Variants in ZNF700 observed in about 807,000 individuals in gnomAD.
ZNF700 encodes the protein zinc finger protein 700.
A neutral mutation model predicts 65.3 loss-of-function variants in ZNF700; 38 were observed. That is an observed-to-expected ratio of 0.58 (90% CI 0.45 to 0.76). The LOEUF (loss-of-function observed/expected upper bound fraction) is 0.76, where lower values mean the gene tolerates loss of function less well. ZNF700 is among the 30% of genes least tolerant of loss of function. The pLI is 0.00. For synonymous variants in ZNF700, 285 were observed against 290.4 expected (o/e 0.98, Z 0.19); for missense variants, 857 against 888.4 (o/e 0.96, Z 0.45).
intron 1 of ZNF700, among the ~76,000 whole-genome samples, chr19:11,944,398 C>G (rs912502345): frequency 1.4e-4 from 21 of 152,126 alleles, no homozygotes; most frequent in Non-Finnish European, 2.8e-4. Flanking sequence ...TTTTGATAGT[C>G]CAATTCATCC....
At chr19:11,937,660 T>C (rs1480827559) in intron 1 of ZNF700, among the ~76,000 whole-genome samples, 1 of 151,864 alleles carries the variant, frequency 6.6e-6, no homozygotes, top group Non-Finnish European at 1.5e-5. Flanking sequence ...GGCTAATTTT[T>C]TGTATTTTTA....
rs558305747 is a variant in ZNF700 at position 11,932,536 on chromosome 19, C to T, written c.63+7263C>T. On this transcript the variant is annotated intron_variant, in intron 1 of 3. Coordinates refer to ENST00000254321, the MANE Select transcript of ZNF700 (RefSeq NM_144566.3). ...ATATTGATGGAGTCAGTACTGTGAA[C>T]GATAACTGCCTTACTTTTCTTTATA... Among the ~76,000 whole-genome samples, 15 of 147,818 alleles carry T rather than the reference C, an allele frequency of 1.0e-4. No individual in the cohort carries two copies. In the East Asian group the frequency reaches 1.9e-3, roughly 19 times the overall value.
chr19:11,935,331 G>T (rs279244), intron 1 of ZNF700, among the ~76,000 whole-genome samples: 1 of 145,932 alleles, frequency 6.9e-6, no homozygotes, highest in African/African-American at 2.6e-5. Flanking sequence ...CTGCCTCCCA[G>T]GTTCAAGTGA....
chr19:11,947,709 C>T lies in ZNF700; in HGVS notation c.251+135C>T. 4.2e-6 allele frequency: 4 copies of T among 944,508 alleles called. No individual in the cohort carries two copies. The South Asian group carries it at 4.9e-5, about 12-fold the overall frequency. 58.5% of individuals were successfully genotyped at this position (944,508 alleles called of 1,614,324 possible). ...CTTCTTAGAATATTTTCTCAAAAAA[C>T]ATATATTTAAACGTGACTGAGGCTG... On this transcript the variant is annotated intron_variant, in intron 3 of 3. Coordinates refer to ENST00000254321, the MANE Select transcript of ZNF700 (RefSeq NM_144566.3).
chr19:11,938,092 G>A lies in ZNF700; in HGVS notation c.64-9089G>A, dbSNP rs114556278. On this transcript the variant is annotated intron_variant, in intron 1 of 3. Transcript: ENST00000254321. ...TGTCGTTTTTTGTTCGTTTGGAGAC[G>A]GAGTCTCACTCTGTCATCCAGGCTG... 7.2e-3 allele frequency among the ~76,000 whole-genome samples: 1,083 copies of A among 151,104 alleles called. 21 individuals are homozygous for A. The highest frequency in any genetic ancestry group is 0.025 in the African/African-American group (1,032 of 41,146).
chr19:11,945,078 C>T (rs1342973134), intron 1 of ZNF700, among the ~76,000 whole-genome samples: 1 of 152,244 alleles, frequency 6.6e-6, no homozygotes, highest in Admixed American at 6.5e-5. Context: ...TGGGTTAGAA[C>T]TCCAACTGCC....
rs1331585559 is a variant in ZNF700, at chr19:11,934,789, T to C, written c.63+9516T>C. Among the ~76,000 whole-genome samples, 6 of 148,012 alleles carry C rather than the reference T, an allele frequency of 4.1e-5. 1 individual carries two copies. The highest frequency in any genetic ancestry group is 7.4e-5 in the Non-Finnish European group (5 of 67,846). ...TCATCCACCTGCCTCGGCTTCCCAA[T>C]GTGCTGGATTACAGGCGTGAGCCAC... On this transcript the variant is annotated intron_variant, in intron 1 of 3. Coordinates refer to ENST00000254321, the MANE Select transcript of ZNF700 (RefSeq NM_144566.3).
At chr19:11,930,216 C>T (rs1972693950) in intron 1 of ZNF700, among the ~76,000 whole-genome samples, 2 of 148,404 alleles carry the variant, frequency 1.3e-5, no homozygotes, top group South Asian at 4.2e-4. Context: ...GACACATGGC[C>T]AATCAGCTAA....
At chr19:11,939,830 C>T (rs1972852231) in intron 1 of ZNF700, 1 of 152,072 alleles carries the variant, frequency 6.6e-6, no homozygotes, top group Non-Finnish European at 1.5e-5. Flanking sequence ...AGGAATTTTA[C>T]ACGTACACTT....
Position 11,947,678 on chromosome 19 carries a change from T to A in ZNF700, c.251+104T>A, listed in dbSNP as rs1237689831. The A allele has an allele frequency of 2.7e-6, 3 of 1,124,010 alleles. No individual in the cohort carries two copies. In the Admixed American group the frequency reaches 6.7e-5, roughly 25 times the overall value. The allele number at this position is 1,124,010 out of a possible 1,614,324, so 69.6% of individuals were successfully genotyped here. A position where few individuals can be genotyped will look rare whatever the true frequency, so the allele number is the denominator to read the frequency against. On this transcript the variant is annotated intron_variant, in intron 3 of 3. Transcript: ENST00000254321. The stretch of plus-strand genomic sequence containing the variant: ...CAAAGAACTAAATCCAGCATCAAAT[T>A]CATTTCTTCTTAGAATATTTTCTCA...
At chr19:11,931,730 C>T in intron 1 of ZNF700, among the ~76,000 whole-genome samples, 1 of 148,524 alleles carries the variant, frequency 6.7e-6, no homozygotes, top group East Asian at 1.9e-4. Flanking sequence ...CCATTTATTG[C>T]ATTTTATACT....
intron 1 of ZNF700, among the ~76,000 whole-genome samples, chr19:11,937,705 G>A (rs1318764692): frequency 1.3e-5 from 2 of 151,784 alleles, no homozygotes; most frequent in African/African-American, 4.8e-5. Flanking sequence ...AGCCAGGATG[G>A]TCTCGATCTC....
intron 1 of ZNF700, among the ~76,000 whole-genome samples, chr19:11,942,222 T>C (rs565596427): frequency 6.6e-6 from 1 of 151,156 alleles, no homozygotes; most frequent in Non-Finnish European, 1.5e-5. Flanking sequence ...CCTGGGGGTG[T>C]GGGCTTTCCC....
intron 1 of ZNF700, among the ~76,000 whole-genome samples, chr19:11,939,144 A>G (rs1467224272): frequency 3.9e-5 from 6 of 152,194 alleles, no homozygotes; most frequent in Non-Finnish European, 8.8e-5. Context: ...TCAGATGGGT[A>G]GATTGTAAAA....
rs1972604367 is a variant in ZNF700, at chr19:11,925,177, G to A, written c.-34G>A. The A allele has an allele frequency of 1.2e-6, 2 of 1,609,932 alleles. No homozygotes were observed. The highest frequency in any genetic ancestry group is 4.5e-5 in the East Asian group (2 of 44,632). On this transcript the variant is annotated 5_prime_UTR_variant, in exon 1 of 4. Coordinates refer to ENST00000254321, the MANE Select transcript of ZNF700 (RefSeq NM_144566.3). Reference sequence around the variant, plus strand: ...CCAGCCCGAGAGGGACCTGGTGCCTGTACCCAGGCTTCTGTCGCTCTGTCG... The same window carrying A: ...CCAGCCCGAGAGGGACCTGGTGCCTATACCCAGGCTTCTGTCGCTCTGTCG...
intron 1 of ZNF700, among the ~76,000 whole-genome samples, chr19:11,935,805 C>T (rs917595600): frequency 6.6e-6 from 1 of 152,106 alleles, no homozygotes; most frequent in African/African-American, 2.4e-5. Context: ...TTTGTTGCAC[C>T]CATCAACTTG....
intron 1 of ZNF700, among the ~76,000 whole-genome samples, chr19:11,939,092 A>G (rs1458631148): frequency 6.6e-6 from 1 of 152,030 alleles, no homozygotes; most frequent in Non-Finnish European, 1.5e-5. Context: ...TTTCTTGTAA[A>G]TTTGTTTAAG....
intron 1 of ZNF700, among the ~76,000 whole-genome samples, chr19:11,930,689 TAGTTTCAC>T (rs1307585530): frequency 6.7e-6 from 1 of 148,348 alleles, no homozygotes; most frequent in Non-Finnish European, 1.5e-5. Context: ...TGGTTTGTCA[TAGTTTCAC>T]ATTACCTTAA....
rs754488914 is a variant in ZNF700 at position 11,948,771 on chromosome 19, A to G, written c.747A>G (p.Pro249=). 2.5e-6 allele frequency: 4 copies of G among 1,608,794 alleles called. No homozygotes were observed. The highest frequency in any genetic ancestry group is 2.7e-5 in the African/African-American group (2 of 74,404). The change falls in exon 4 of 4, where the codon CCA becomes CCG. Residue 249 remains proline, a synonymous_variant. Coordinates refer to ENST00000254321, the MANE Select transcript of ZNF700 (RefSeq NM_144566.3). ...IHERTHTGEK[P]YECKQCGKSF... is the part of the protein sequence containing the mutation. ...AAAGAACTCACACTGGAGAGAAACCATATGAATGTAAACAATGTGGTAAAT... is the reference window on the plus strand; with the variant it reads ...AAAGAACTCACACTGGAGAGAAACCGTATGAATGTAAACAATGTGGTAAAT...
Sources: allele counts gnomAD v4.1 joint callset (sites outside exome capture counted in the v4.1 genomes callset), GRCh38; gene constraint gnomAD v4.1.1; transcripts MANE v1.5; gene names NCBI Gene and HGNC (gene_info 2026-07-23, HGNC 2026-07-21).